The following ADCY2 variants were observed in gnomAD, a reference collection of about 807,000 sequenced individuals.
ADCY2 encodes adenylate cyclase 2.
ADCY2 carries 31 observed loss-of-function variants against 125.2 expected under a neutral mutation model. The observed-to-expected ratio is 0.25, with a 90% CI of 0.19 to 0.33. ADCY2 has a LOEUF of 0.33. Among genes scored for constraint, ADCY2 ranks in the 10% least tolerant of loss-of-function variants. The pLI is 1.00. For missense variants in ADCY2, 904 were observed against 1,418.2 expected (o/e 0.64, Z 5.82); for synonymous variants, 512 against 548.4 (o/e 0.93, Z 0.93).
chr5:7,499,661 A>ATATATATATATATATG (rs1743482944), intron 2 of ADCY2, among the ~76,000 whole-genome samples: 2 of 111,440 alleles, frequency 1.8e-5, no homozygotes, highest in South Asian at 6.4e-4. Context: ...ATATATATAT[A>ATATATATATATATATG]TATATATATA....
intron 3 of ADCY2, among the ~76,000 whole-genome samples, chr5:7,600,439 G>A (rs1737159431): frequency 6.6e-6 from 1 of 152,224 alleles, no homozygotes; most frequent in South Asian, 2.1e-4. Flanking sequence ...GATGGCCTCA[G>A]TCTTCTAGAA....
intron 2 of ADCY2, among the ~76,000 whole-genome samples, chr5:7,478,496 T>A (rs1439161243): frequency 6.6e-6 from 1 of 152,182 alleles, no homozygotes; most frequent in African/African-American, 2.4e-5. Flanking sequence ...AACTCAAATA[T>A]CTGTTGAATG....
At chr5:7,648,225 T>A (rs1408406617) in intron 4 of ADCY2, among the ~76,000 whole-genome samples, 2 of 152,222 alleles carry the variant, frequency 1.3e-5, no homozygotes, top group African/African-American at 4.8e-5. Flanking sequence ...ATCCTTTCAC[T>A]CCTTCCTATC....
intron 2 of ADCY2, among the ~76,000 whole-genome samples, chr5:7,441,534 A>G (rs1741015342): frequency 6.6e-6 from 1 of 152,118 alleles, no homozygotes; most frequent in African/African-American, 2.4e-5. Context: ...GAAAAAAAAT[A>G]AAGAAAAAAA....
At chr5:7,728,234 A>C (rs1741991160) in intron 14 of ADCY2, among the ~76,000 whole-genome samples, 1 of 152,190 alleles carries the variant, frequency 6.6e-6, no homozygotes, top group Admixed American at 6.5e-5. Flanking sequence ...TGAGCAAACT[A>C]CAAAGAAGTT....
intron 2 of ADCY2, among the ~76,000 whole-genome samples, chr5:7,451,492 G>A (rs1215191868): frequency 6.6e-6 from 1 of 152,210 alleles, no homozygotes; most frequent in Non-Finnish European, 1.5e-5. Context: ...TTATGGATGA[G>A]CAAAGTAGTT....
chr5:7,722,754 T>C (rs756635695), intron 12 of ADCY2, among the ~76,000 whole-genome samples: 33 of 150,302 alleles, frequency 2.2e-4, no homozygotes, highest in Non-Finnish European at 4.3e-4. Context: ...AGGTCAGGAG[T>C]TCAAGACCAG....
At chr5:7,644,946 G>A (rs1323266166) in intron 4 of ADCY2, among the ~76,000 whole-genome samples, 1 of 152,114 alleles carries the variant, frequency 6.6e-6, no homozygotes, top group Non-Finnish European at 1.5e-5. Context: ...AGTTAATAAT[G>A]CAGTGCCCTT....
At chr5:7,545,038 G>A (rs775261179) in intron 3 of ADCY2, among the ~76,000 whole-genome samples, 2 of 152,300 alleles carry the variant, frequency 1.3e-5, no homozygotes, top group East Asian at 1.9e-4. Flanking sequence ...CAGCGAGAGA[G>A]CGAGCATAGG....
At chr5:7,705,311 C>T (rs575993569) in intron 7 of ADCY2, among the ~76,000 whole-genome samples, 6 of 152,322 alleles carry the variant, frequency 3.9e-5, no homozygotes, top group African/African-American at 1.2e-4. Context: ...TGTGTCCACC[C>T]AGGCTGAATT....
chr5:7,789,011 A>C (rs1744170180), intron 19 of ADCY2, among the ~76,000 whole-genome samples: 1 of 152,250 alleles, frequency 6.6e-6, no homozygotes, highest in African/African-American at 2.4e-5. Context: ...AAAATACATT[A>C]TATTTTAATA....
intron 2 of ADCY2, among the ~76,000 whole-genome samples, chr5:7,481,374 C>G (rs1221968441): frequency 1.3e-5 from 2 of 152,178 alleles, no homozygotes; most frequent in Admixed American, 6.5e-5. Context: ...TCACGCCATT[C>G]TCTCGCCTCA....
chr5:7,543,542 AGT>A (rs1735058671), intron 3 of ADCY2, among the ~76,000 whole-genome samples: 1 of 152,174 alleles, frequency 6.6e-6, no homozygotes, highest in Non-Finnish European at 1.5e-5. Flanking sequence ...CCCAACAGTT[AGT>A]GAGTCCCTTC....
chr5:7,666,338 G>A (rs370584372), intron 4 of ADCY2, among the ~76,000 whole-genome samples: 24 of 151,582 alleles, frequency 1.6e-4, no homozygotes, highest in South Asian at 4.2e-4. Flanking sequence ...GCGCGATCTC[G>A]GCTCACTGCA....
intron 14 of ADCY2, among the ~76,000 whole-genome samples, chr5:7,736,892 A>G (rs898784487): frequency 2.0e-5 from 3 of 152,198 alleles, no homozygotes; most frequent in African/African-American, 7.2e-5. Context: ...TTGAAGGCCA[A>G]TATAATTCCA....
At chr5:7,500,945 G>T (rs1396619328) in intron 2 of ADCY2, among the ~76,000 whole-genome samples, 2 of 152,208 alleles carry the variant, frequency 1.3e-5, no homozygotes, top group East Asian at 1.9e-4. Flanking sequence ...ATCAACACAA[G>T]CTTCATCAAC....
intron 3 of ADCY2, among the ~76,000 whole-genome samples, chr5:7,557,183 T>G (rs113111596): frequency 0.22 from 26,393 of 122,514 alleles, 3,306 homozygotes; most frequent in Non-Finnish European, 0.31. Flanking sequence ...TCACACATAT[T>G]ATATATGTGA....
chr5:7,691,819 T>G (rs1740714821), intron 5 of ADCY2: 1 of 157,360 alleles, frequency 6.4e-6, no homozygotes, highest in Non-Finnish European at 1.4e-5. Context: ...TGACTCACAG[T>G]TCTGCAGGCC....
At chr5:7,457,118 G>T (rs1444544764) in intron 2 of ADCY2, among the ~76,000 whole-genome samples, 9 of 152,138 alleles carry the variant, frequency 5.9e-5, no homozygotes, top group Admixed American at 1.3e-4. Flanking sequence ...GACAGTTTGA[G>T]AACCAAGAAT....
Sources: allele counts gnomAD v4.1 joint callset (sites outside exome capture counted in the v4.1 genomes callset), GRCh38; gene constraint gnomAD v4.1.1; transcripts MANE v1.5; gene names NCBI Gene and HGNC (gene_info 2026-07-23, HGNC 2026-07-21).